Variants in SLC26A7 observed in about 807,000 individuals in gnomAD.
The protein encoded by SLC26A7 is anion exchange transporter.
Under a neutral mutation model 82.5 loss-of-function variants are expected in SLC26A7, and 59 were observed. The observed-to-expected ratio is 0.72, with a 90% CI of 0.58 to 0.89. The LOEUF is 0.89. SLC26A7 is among the 40% of genes least tolerant of loss of function. The probability of loss-of-function intolerance (pLI) is 0.00; values close to 1 mark genes in which losing one functional copy is unlikely to be tolerated. For missense variants in SLC26A7, 820 were observed against 793.0 expected (o/e 1.03, Z -0.41); for synonymous variants, 271 against 274.3 (o/e 0.99, Z 0.12).
chr8:91,307,904 G>A (rs541466728), intron 4 of SLC26A7, among the ~76,000 whole-genome samples: 2 of 151,992 alleles, frequency 1.3e-5, no homozygotes, highest in Non-Finnish European at 2.9e-5. Context: ...TCACTATGTT[G>A]CCTAGGCTGT....
intron 9 of SLC26A7, among the ~76,000 whole-genome samples, chr8:91,345,155 A>G (rs1813528051): frequency 6.6e-6 from 1 of 151,294 alleles, no homozygotes; most frequent in African/African-American, 2.4e-5. Flanking sequence ...TGCTTTGTTG[A>G]CCAGGCTTAT....
At chr8:91,312,699 G>A (rs967161073) in intron 4 of SLC26A7, among the ~76,000 whole-genome samples, 1 of 151,996 alleles carries the variant, frequency 6.6e-6, no homozygotes, top group African/African-American at 2.4e-5. Flanking sequence ...CCTAACGGAT[G>A]TGAGGTGCTC....
At chr8:91,298,322 A>G (rs1161274169) in intron 4 of SLC26A7, among the ~76,000 whole-genome samples, 2 of 152,126 alleles carry the variant, frequency 1.3e-5, no homozygotes, top group South Asian at 4.1e-4. Context: ...CATTATTTTA[A>G]TGATTCTAGT....
At chr8:91,268,554 G>A (rs1377760631) in intron 2 of SLC26A7, among the ~76,000 whole-genome samples, 1 of 151,556 alleles carries the variant, frequency 6.6e-6, no homozygotes, top group Non-Finnish European at 1.5e-5. Flanking sequence ...TTTGTAGGCA[G>A]GATATAGTTG....
chr8:91,316,470 T>C (rs1216410340), intron 4 of SLC26A7, among the ~76,000 whole-genome samples: 3 of 131,004 alleles, frequency 2.3e-5, no homozygotes, highest in African/African-American at 8.7e-5. Flanking sequence ...TTTTTTTTTT[T>C]TTTTTTTTTT....
chr8:91,378,621 T>A (rs1014081385), intron 15 of SLC26A7, among the ~76,000 whole-genome samples: 3 of 151,822 alleles, frequency 2.0e-5, no homozygotes, highest in Admixed American at 6.6e-5. Flanking sequence ...GAAGATCTGG[T>A]TGGACATTAA....
chr8:91,238,747 T>G (rs1418577841), intron 2 of SLC26A7, among the ~76,000 whole-genome samples: 1 of 151,968 alleles, frequency 6.6e-6, no homozygotes, highest in African/African-American at 2.4e-5. Flanking sequence ...GAGTCTTCCT[T>G]GGGTATGGAA....
intron 4 of SLC26A7, among the ~76,000 whole-genome samples, chr8:91,311,012 T>C (rs1265592754): frequency 6.6e-6 from 1 of 152,164 alleles, no homozygotes; most frequent in East Asian, 1.9e-4. Context: ...TGTCCCTCAG[T>C]TGAATTCTTT....
At position 91,318,247 on chromosome 8, in the gene SLC26A7, C is replaced by A. The variant is rs748161482; in HGVS notation, c.509C>A (p.Ala170Asp). The A allele has an allele frequency of 6.2e-7, 1 of 1,603,676 alleles. No homozygotes were observed. Among genetic ancestry groups the A allele is most frequent in the Middle Eastern group, 1.7e-4 (1 of 6,014 alleles). Residue 170 changes from alanine to aspartate, a missense_variant, in exon 5 of 19, where the codon GCC (alanine) becomes GAC (aspartate). Ala to Asp is a moderately radical substitution (Grantham distance 126). Transcript: ENST00000276609. Reference protein sequence around the residue: ...VAMFVLQLGSATFVVTEPVIS... With the variant: ...VAMFVLQLGSDTFVVTEPVIS... ...ATGTTTGTGCTGCAACTGGGCAGTG[C>A]CACATTTGTGGTCACAGAGCCTGTG... is the stretch of plus-strand genomic sequence containing the variant.
intron 2 of SLC26A7, among the ~76,000 whole-genome samples, chr8:91,281,263 GT>G (rs1811564755): frequency 6.6e-6 from 1 of 152,152 alleles, no homozygotes; most frequent in Non-Finnish European, 1.5e-5. Flanking sequence ...TCTGAGACTT[GT>G]TTTTCGTGTG....
At chr8:91,210,540 AAC>A (rs1268440185) in intron 1 of SLC26A7, among the ~76,000 whole-genome samples, 1 of 128,208 alleles carries the variant, frequency 7.8e-6, no homozygotes, top group Non-Finnish European at 1.7e-5. Flanking sequence ...CAGGATTTTA[AAC>A]ACAGACACAC....
intron 2 of SLC26A7, among the ~76,000 whole-genome samples, chr8:91,235,389 A>T (rs1810380632): frequency 6.6e-6 from 1 of 152,242 alleles, no homozygotes; most frequent in African/African-American, 2.4e-5. Context: ...GACTGACTTT[A>T]AAGAATCTGG....
chr8:91,366,820 G>A (rs1303690970), intron 14 of SLC26A7, 103 bp downstream of exon 14: 10 of 1,309,960 alleles, frequency 7.6e-6, no homozygotes, highest in East Asian at 4.7e-5. Context: ...CGAGTATTTC[G>A]AGACCTCTCC....
In SLC26A7 at chr8:91,387,445, C is replaced by T. The variant is rs184458005; in HGVS notation, c.1676-1893C>T. Among the ~76,000 whole-genome samples, 4 of 152,260 alleles carry T rather than the reference C, an allele frequency of 2.6e-5. No individual in the cohort carries two copies. The East Asian group carries it at 7.7e-4, about 29-fold the overall frequency. On this transcript the variant is annotated intron_variant, in intron 15 of 18. Transcript: ENST00000276609. ...GCCTGAATGTCCACTAACCACTTAGCCCCCCTTGCCCTGGGAACAGCAGAA... is the reference window on the plus strand; with the variant it reads ...GCCTGAATGTCCACTAACCACTTAGTCCCCCTTGCCCTGGGAACAGCAGAA...
intron 2 of SLC26A7, among the ~76,000 whole-genome samples, chr8:91,221,376 A>C (rs1586301548): frequency 6.6e-6 from 1 of 152,134 alleles, no homozygotes. Context: ...TCTTTAGTTT[A>C]ATTAGATCCT....
intron 2 of SLC26A7, among the ~76,000 whole-genome samples, chr8:91,279,466 G>T (rs950532304): frequency 1.3e-5 from 2 of 151,996 alleles, no homozygotes; most frequent in African/African-American, 2.4e-5. Context: ...CTTATCTTTT[G>T]TCTTTTTGGT....
intron 18 of SLC26A7, chr8:91,394,311 C>T: frequency 6.2e-7 from 1 of 1,611,544 alleles, no homozygotes; most frequent in Non-Finnish European, 8.5e-7. Context: ...AAACTGCTTA[C>T]TTGTACAACA....
chr8:91,299,675 G>C (rs1366587028), intron 4 of SLC26A7, among the ~76,000 whole-genome samples: 1 of 152,052 alleles, frequency 6.6e-6, no homozygotes, highest in Non-Finnish European at 1.5e-5. Flanking sequence ...GTAGCACCCT[G>C]TTTTATGGAG....
chr8:91,343,290 A>T, intron 8 of SLC26A7, 63 bp from the exon 9 acceptor site: 2 of 1,024,138 alleles, frequency 2.0e-6, no homozygotes, highest in Non-Finnish European at 2.9e-6. Context: ...GACAAATTGT[A>T]CCTGTGGTCT....
Sources: allele counts gnomAD v4.1 joint callset (sites outside exome capture counted in the v4.1 genomes callset), GRCh38; gene constraint gnomAD v4.1.1; transcripts MANE v1.5; gene names NCBI Gene and HGNC (gene_info 2026-07-23, HGNC 2026-07-21).